SCN2A: variants seen among roughly 807,000 people sequenced by gnomAD.
SCN2A encodes the protein sodium voltage-gated channel alpha subunit 2.
Under a neutral mutation model 188.7 loss-of-function variants are expected in SCN2A, and 20 were observed. The ratio of observed to expected loss-of-function variants is 0.11; its 90% CI spans 0.07 to 0.15. The LOEUF (loss-of-function observed/expected upper bound fraction) is 0.15, where lower values mean the gene tolerates loss of function less well. Ranked by LOEUF, SCN2A falls within the 10% of genes least tolerant of loss-of-function variation. The pLI is 1.00. For synonymous variants in SCN2A, 804 were observed against 833.1 expected (o/e 0.97, Z 0.60); for missense variants, 1,278 against 2,445.0 (o/e 0.52, Z 10.07).
At chr2:165,376,573 C>A (rs1159476842) in intron 22 of SCN2A, among the ~76,000 whole-genome samples, 2 of 151,966 alleles carry the variant, frequency 1.3e-5, no homozygotes, top group Non-Finnish European at 2.9e-5. Context: ...TTTATTGTCT[C>A]CCTGACTATG....
rs1378146795 is a variant in SCN2A, at chr2:165,296,911, A to G, written c.268-106A>G. The stretch of plus-strand genomic sequence containing the variant: ...TATGATGGTAATTATTATGTTATAC[A>G]CTATTTTACAGGGCAATATTTATAA... On this transcript the variant is annotated intron_variant, in intron 2 of 26. Coordinates refer to ENST00000375437, the MANE Select transcript of SCN2A (RefSeq NM_001040142.2). 4.4e-6 allele frequency: 3 copies of G among 675,150 alleles called. No individual in the cohort carries two copies. In the Admixed American group the frequency reaches 7.2e-5, roughly 16 times the overall value. The allele number at this position is 675,150 out of a possible 1,614,324, so 41.8% of individuals were successfully genotyped here.
chr2:165,281,737 T>C (rs1037201942), intron 1 of SCN2A, among the ~76,000 whole-genome samples: 11 of 152,274 alleles, frequency 7.2e-5, no homozygotes, highest in Middle Eastern at 3.4e-3. Context: ...AAATTAAGCA[T>C]GGAGACCAAT....
At chr2:165,280,010 T>G (rs1409808771) in intron 1 of SCN2A, among the ~76,000 whole-genome samples, 5 of 152,172 alleles carry the variant, frequency 3.3e-5, no homozygotes. Context: ...CCTTCTTGCC[T>G]TCTGCCATGA....
At chr2:165,242,781 G>A (rs540232836) in intron 1 of SCN2A, among the ~76,000 whole-genome samples, 29 of 152,274 alleles carry the variant, frequency 1.9e-4, no homozygotes, top group African/African-American at 5.5e-4. Context: ...CACCAAGGTC[G>A]TGGAAGAGAC....
At chr2:165,366,186 A>G (rs530053399) in intron 18 of SCN2A, among the ~76,000 whole-genome samples, 2 of 152,314 alleles carry the variant, frequency 1.3e-5, no homozygotes, top group African/African-American at 4.8e-5. Flanking sequence ...TTGTTTTGTG[A>G]TAATTGTTGC....
chr2:165,315,808 A>C (rs1246984878), intron 11 of SCN2A, 50 bp downstream of exon 11: 2 of 1,574,568 alleles, frequency 1.3e-6, no homozygotes, highest in African/African-American at 2.7e-5. Flanking sequence ...TTTTTAAAAA[A>C]ATATGCCAGA....
At chr2:165,274,441 T>G (rs1341549729) in intron 1 of SCN2A, 1 of 151,874 alleles carries the variant, frequency 6.6e-6, no homozygotes, top group East Asian at 1.9e-4. Context: ...AGTGGTTATT[T>G]GTTCTCTGTA....
intron 1 of SCN2A, chr2:165,272,510 C>A (rs1377542503): frequency 6.6e-6 from 1 of 151,974 alleles, no homozygotes; most frequent in Non-Finnish European, 1.5e-5. Context: ...ATCAAACCTG[C>A]AGACCTAACT....
intron 3 of SCN2A, among the ~76,000 whole-genome samples, chr2:165,303,157 CT>C (rs1696912655): frequency 6.6e-6 from 1 of 151,484 alleles, no homozygotes; most frequent in Non-Finnish European, 1.5e-5. Flanking sequence ...TAGTTTGAGC[CT>C]TTTGAAATCT....
At chr2:165,310,622 G>A in intron 7 of SCN2A, 27 bp downstream of exon 7, 2 of 1,532,874 alleles carry the variant, frequency 1.3e-6, no homozygotes, top group Non-Finnish European at 1.8e-6. Flanking sequence ...AAACCATTAA[G>A]TTGTTTAGTT....
chr2:165,241,664 A>G (rs765136424), intron 1 of SCN2A, among the ~76,000 whole-genome samples: 7 of 152,242 alleles, frequency 4.6e-5, no homozygotes, highest in Non-Finnish European at 8.8e-5. Flanking sequence ...GCAAATATAC[A>G]TGTGCAGATA....
intron 1 of SCN2A, among the ~76,000 whole-genome samples, chr2:165,244,306 ATAAC>A (rs1693751813): frequency 6.6e-6 from 1 of 152,148 alleles, no homozygotes; most frequent in East Asian, 1.9e-4. Flanking sequence ...TGACCTCTCT[ATAAC>A]ACTCATACGT....
intron 15 of SCN2A, among the ~76,000 whole-genome samples, chr2:165,344,254 A>G (rs1232432730): frequency 1.3e-5 from 2 of 152,128 alleles, no homozygotes; most frequent in East Asian, 3.8e-4. Context: ...AATGAAAAAA[A>G]GAATGCTCTA....
intron 1 of SCN2A, among the ~76,000 whole-genome samples, chr2:165,250,047 C>A (rs1439805): frequency 0.64 from 96,892 of 151,608 alleles, 31,433 homozygotes; most frequent in African/African-American, 0.75. Flanking sequence ...TACTTCCATT[C>A]TACTCTGCAC....
chr2:165,391,326 A>C lies in SCN2A; in HGVS notation c.*1502A>C, dbSNP rs1264463156. On this transcript the variant is annotated 3_prime_UTR_variant, in exon 27 of 27. Transcript: ENST00000375437. ...TGTACAAACATGTTGCAAGCTGCTT[A>C]AATCTGTTTAAAATATATGGTTAGA... The C allele has an allele frequency of 2.0e-5, 3 of 152,594 alleles. No individual in the cohort carries two copies. Among genetic ancestry groups the C allele is most frequent in the Non-Finnish European group, 4.4e-5 (3 of 68,014 alleles). 9.5% of individuals were successfully genotyped at this position (152,594 alleles called of 1,614,324 possible). A position where few individuals can be genotyped will look rare whatever the true frequency, so the allele number is the denominator to read the frequency against.
At chr2:165,284,173 T>A (rs1039215516) in intron 1 of SCN2A, among the ~76,000 whole-genome samples, 1 of 151,998 alleles carries the variant, frequency 6.6e-6, no homozygotes, top group African/African-American at 2.4e-5. Context: ...TTAATTTATT[T>A]ATTTATTTAT....
chr2:165,308,285 A>G (rs2105242334), intron 4 of SCN2A, among the ~76,000 whole-genome samples: 1 of 152,204 alleles, frequency 6.6e-6, no homozygotes, highest in African/African-American at 2.4e-5. Context: ...GTTCTGTGTT[A>G]CTAGTATATG....
At chr2:165,352,101 A>T (rs940182983) in intron 16 of SCN2A, among the ~76,000 whole-genome samples, 5 of 152,182 alleles carry the variant, frequency 3.3e-5, no homozygotes, top group Admixed American at 2.6e-4. Context: ...ACAGAACTTT[A>T]ATATACTTTA....
rs547450355 is a variant in SCN2A at position 165,313,528 on chromosome 2, A to C, written c.1035-92A>C. On this transcript the variant is annotated intron_variant, in intron 8 of 26. Transcript: ENST00000375437. Reference sequence around the variant, plus strand: ...AAATCGGCTTTTTTCTAGTGCCTGTATAAAACAGACATTGGCATATATTAA... The same window carrying C: ...AAATCGGCTTTTTTCTAGTGCCTGTCTAAAACAGACATTGGCATATATTAA... 16 of 1,497,758 alleles carry C rather than the reference A, an allele frequency of 1.1e-5. No homozygotes were observed. The African/African-American group carries it at 2.2e-4, about 21-fold the overall frequency. The allele number at this position is 1,497,758 out of a possible 1,614,324, so 92.8% of individuals were successfully genotyped here. A position where few individuals can be genotyped will look rare whatever the true frequency, so the allele number is the denominator to read the frequency against.
Sources: allele counts gnomAD v4.1 joint callset (sites outside exome capture counted in the v4.1 genomes callset), GRCh38; gene constraint gnomAD v4.1.1; transcripts MANE v1.5; gene names NCBI Gene and HGNC (gene_info 2026-07-23, HGNC 2026-07-21).